The following RNF212 variants were observed in gnomAD, a reference collection of about 807,000 sequenced individuals.
RNF212 encodes the protein probable E3 SUMO-protein ligase RNF212.
Under a neutral mutation model 34.7 loss-of-function variants are expected in RNF212, and 33 were observed. That is an observed-to-expected ratio of 0.95 (90% CI 0.72 to 1.27). RNF212 has a LOEUF of 1.27. Among genes scored for constraint, RNF212 ranks in the 50% most tolerant of loss-of-function variants. The pLI is 0.00. For synonymous variants in RNF212, 140 were observed against 136.1 expected (o/e 1.03, Z -0.20); for missense variants, 377 against 362.2 (o/e 1.04, Z -0.33).
intron 3 of RNF212, among the ~76,000 whole-genome samples, chr4:1,059,966 T>C (rs912595592): frequency 6.6e-6 from 1 of 151,990 alleles, no homozygotes; most frequent in Non-Finnish European, 1.5e-5. Context: ...TGGTGGCGCA[T>C]GCCTGTAATC....
intron 3 of RNF212, among the ~76,000 whole-genome samples, chr4:1,062,297 A>T (rs1717800834): frequency 6.6e-6 from 1 of 152,256 alleles, no homozygotes; most frequent in Non-Finnish European, 1.5e-5. Flanking sequence ...ACCAACCGGG[A>T]TTCATCTCAG....
chr4:1,076,120 G>T (rs572188446), intron 8 of RNF212, among the ~76,000 whole-genome samples: 1 of 152,146 alleles, frequency 6.6e-6, no homozygotes, highest in Non-Finnish European at 1.5e-5. Flanking sequence ...AAATTATCCC[G>T]CCAAGCCAGA....
intron 3 of RNF212, among the ~76,000 whole-genome samples, chr4:1,094,661 G>C (rs1263995105): frequency 6.6e-6 from 1 of 152,202 alleles, no homozygotes; most frequent in Non-Finnish European, 1.5e-5. Flanking sequence ...TGCCATGCAG[G>C]GCTCAGCGGG....
At chr4:1,092,623 T>C (rs1577743166) in intron 3 of RNF212, among the ~76,000 whole-genome samples, 1 of 152,344 alleles carries the variant, frequency 6.6e-6, no homozygotes, top group East Asian at 1.9e-4. Context: ...TGAGTGTTTA[T>C]CTTGCAGAGA....
At chr4:1,094,746 C>A (rs537844944) in intron 3 of RNF212, among the ~76,000 whole-genome samples, 1 of 152,292 alleles carries the variant, frequency 6.6e-6, no homozygotes, top group East Asian at 1.9e-4. Context: ...ACCTGCTGCC[C>A]TGAACCCAGA....
intron 2 of RNF212, among the ~76,000 whole-genome samples, chr4:1,104,104 C>A (rs1724443240): frequency 6.6e-6 from 1 of 152,184 alleles, no homozygotes; most frequent in African/African-American, 2.4e-5. Context: ...TTTAAAACTA[C>A]AATAGTAGCA....
At chr4:1,090,191 G>C (rs1223367222) in intron 4 of RNF212, among the ~76,000 whole-genome samples, 3 of 151,722 alleles carry the variant, frequency 2.0e-5, no homozygotes, top group Non-Finnish European at 2.9e-5. Context: ...TGACAGGACA[G>C]GGCAAGGTGA....
At chr4:1,113,659 G>C (rs956195538), upstream of RNF212, 9 of 479,990 alleles carry the variant, frequency 1.9e-5, no homozygotes, top group African/African-American at 4.2e-5. Flanking sequence ...CTGGGAGGGC[G>C]CGTGTGACTC....
At position 1,113,489 on chromosome 4, in the gene RNF212, A is replaced by G; in HGVS notation, c.-25T>C. ...TGCCAGGCGGGCGACCGCAGCGGCG[A>G]GGCCGGGCCCACGCGAAGCCCACGC... On this transcript the variant is annotated 5_prime_UTR_variant, in exon 1 of 10. Transcript: ENST00000433731. The G allele has an allele frequency of 6.3e-7, 1 of 1,589,568 alleles. No homozygotes were observed.
At chr4:1,070,753 G>A (rs1003473181), downstream of RNF212, among the ~76,000 whole-genome samples, 4 of 152,352 alleles carry the variant, frequency 2.6e-5, no homozygotes, top group South Asian at 2.1e-4. Context: ...GGTTTTTAGC[G>A]ATGCTAGGGC....
chr4:1,111,867 C>T (rs1725716990), intron 1 of RNF212, among the ~76,000 whole-genome samples: 1 of 152,192 alleles, frequency 6.6e-6, no homozygotes, highest in Admixed American at 6.5e-5. Flanking sequence ...CGATGAGTAA[C>T]TTGGGGTGTA....
intron 2 of RNF212, chr4:1,100,981 T>C: frequency 5.5e-6 from 1 of 180,618 alleles, no homozygotes. Flanking sequence ...TGTTAGCTCT[T>C]CCATATTGTC....
rs1305528921 is a variant in RNF212, at chr4:1,073,797, T to C, written c.511-135A>G. On this transcript the variant is annotated intron_variant, in intron 8 of 9. Coordinates refer to ENST00000433731, the MANE Select transcript of RNF212 (RefSeq NM_001131034.4). ...TCTTTATCGCCCTCTGACAAGTTCC[T>C]GTCTAACTTGATTCTGTGTTCACCT... The C allele has an allele frequency of 9.2e-5, 62 of 672,228 alleles. No individual in the cohort carries two copies. In the East Asian group the frequency reaches 1.7e-3, roughly 18 times the overall value. 41.6% of individuals were successfully genotyped at this position (672,228 alleles called of 1,614,324 possible). A position where few individuals can be genotyped will look rare whatever the true frequency, so the allele number is the denominator to read the frequency against.
In RNF212 at chr4:1,107,508, T is replaced by C. The variant is rs188405211; in HGVS notation, c.171+835A>G. Among the ~76,000 whole-genome samples the C allele has an allele frequency of 2.2e-3, 337 of 150,712 alleles. 11 individuals carry two copies. The South Asian group carries it at 0.06, about 27-fold the overall frequency. On this transcript the variant is annotated intron_variant, in intron 2 of 9. Transcript: ENST00000433731. ...TCTCGCTCAGTCACCCAGGCTGGAG[T>C]GCAGTGGCGCCATCTCACTGCAGGC...
chr4:1,081,503 C>T (rs1192838370), intron 6 of RNF212, 36 bp from the exon 7 acceptor site: 3 of 1,611,330 alleles, frequency 1.9e-6, no homozygotes, highest in South Asian at 1.1e-5. Context: ...AGCGTCAGTG[C>T]ACACAGTGTG....
At chr4:1,097,098 G>A (rs966351006) in intron 2 of RNF212, among the ~76,000 whole-genome samples, 20 of 152,134 alleles carry the variant, frequency 1.3e-4, no homozygotes, top group African/African-American at 4.6e-4. Flanking sequence ...GCAAGGACAC[G>A]CTCCCTCCTC....
rs913306351 is a variant in RNF212 at position 1,072,376 on chromosome 4, G to A, written c.*498C>T. 1.3e-5 allele frequency: 2 copies of A among 157,190 alleles called. No homozygotes were observed. Among genetic ancestry groups the A allele is most frequent in the Non-Finnish European group, 2.8e-5 (2 of 71,496 alleles). The allele number at this position is 157,190 out of a possible 1,614,324, so 9.7% of individuals were successfully genotyped here. On this transcript the variant is annotated 3_prime_UTR_variant, in exon 10 of 10. Transcript: ENST00000433731. Reference sequence around the variant, plus strand: ...AAACCCATAGAACATTCGACACCTAGAGTGAACCCTAATGTAAACCATGGA... The same window carrying A: ...AAACCCATAGAACATTCGACACCTAAAGTGAACCCTAATGTAAACCATGGA...
At chr4:1,097,113 G>T (rs1341683879) in intron 2 of RNF212, among the ~76,000 whole-genome samples, 1 of 152,106 alleles carries the variant, frequency 6.6e-6, no homozygotes, top group Non-Finnish European at 1.5e-5. Context: ...CTCCTCAAAA[G>T]GGTCTTAGTG....
intron 2 of RNF212, among the ~76,000 whole-genome samples, chr4:1,103,782 T>A (rs1724394248): frequency 6.6e-6 from 1 of 152,156 alleles, no homozygotes; most frequent in African/African-American, 2.4e-5. Flanking sequence ...CATATAATAC[T>A]TGATGAAATA....
Sources: allele counts gnomAD v4.1 joint callset (sites outside exome capture counted in the v4.1 genomes callset), GRCh38; gene constraint gnomAD v4.1.1; transcripts MANE v1.5; gene names NCBI Gene and HGNC (gene_info 2026-07-23, HGNC 2026-07-21).